Variants in SLC13A2 observed in about 807,000 individuals in gnomAD.
SLC13A2 encodes Na(+)-coupled citrate transporter.
In SLC13A2, 40 loss-of-function variants were observed where a neutral mutation model predicts 58.5. The observed-to-expected ratio is 0.68, with a 90% confidence interval of 0.53 to 0.89. The LOEUF (loss-of-function observed/expected upper bound fraction) is 0.89, where lower values mean the gene tolerates loss of function less well. Among genes scored for constraint, SLC13A2 ranks in the 40% least tolerant of loss-of-function variants. The pLI is 0.00. For synonymous variants in SLC13A2, 341 were observed against 331.6 expected (o/e 1.03, Z -0.31); for missense variants, 694 against 772.6 (o/e 0.90, Z 1.21).
chr17:28,487,078 G>A (rs572210928), intron 1 of SLC13A2, among the ~76,000 whole-genome samples: 6 of 152,312 alleles, frequency 3.9e-5, no homozygotes, highest in South Asian at 2.1e-4. Flanking sequence ...GATTACAGGC[G>A]TGAGCCGCCA....
intron 1 of SLC13A2, among the ~76,000 whole-genome samples, chr17:28,474,995 T>C (rs1313266827): frequency 6.6e-6 from 1 of 152,126 alleles, no homozygotes; most frequent in Non-Finnish European, 1.5e-5. Context: ...TGACACCTGG[T>C]CAGTAACAAG....
At position 28,496,961 on chromosome 17, in the gene SLC13A2, T is replaced by A; in HGVS notation, c.1609-138T>A. 1 of 841,258 alleles carries A rather than the reference T, an allele frequency of 1.2e-6. No homozygotes were observed. Among genetic ancestry groups the A allele is most frequent in the Non-Finnish European group, 1.9e-6 (1 of 527,246 alleles). The allele number at this position is 841,258 out of a possible 1,614,324, so 52.1% of individuals were successfully genotyped here. A position where few individuals can be genotyped will look rare whatever the true frequency, so the allele number is the denominator to read the frequency against. ...CAAGGGGCAAAGGCATTGGCTATGC[T>A]GCAGGTTAGACCAACGGGAGGACTT... On this transcript the variant is annotated intron_variant, in intron 11 of 11. Coordinates refer to ENST00000314669, the MANE Select transcript of SLC13A2 (RefSeq NM_003984.4). This position sits in a 1 kb window ranked among gnomAD's most constrained non-coding sequence, Gnocchi z 4.2.
At chr17:28,477,398 G>T (rs925511993) in intron 1 of SLC13A2, among the ~76,000 whole-genome samples, 4 of 151,664 alleles carry the variant, frequency 2.6e-5, no homozygotes, top group Non-Finnish European at 5.9e-5. Context: ...GTTTCACCGT[G>T]TTAGCCAGGA....
chr17:28,496,574 A>G lies in SLC13A2; in HGVS notation c.1595A>G (p.Lys532Arg). 1 of 1,613,034 alleles carries G rather than the reference A, an allele frequency of 6.2e-7. No homozygotes were observed. The highest frequency in any genetic ancestry group is 8.5e-7 in the Non-Finnish European group (1 of 1,179,472). ...NAIVFSFGDLKVLDMARAGFL... is the reference protein window; with the variant it reads ...NAIVFSFGDLRVLDMARAGFL... ...ATCGTCTTCTCTTTCGGGGACCTCA[A>G]AGTGTTGGATATGGTAAGTGGCAGG... The change falls in exon 11 of 12, where the codon AAA becomes AGA. Residue 532 changes from lysine (K) to arginine (R), a missense_variant. Physicochemically the swap from Lys to Arg is conservative, Grantham distance 26. Coordinates refer to ENST00000314669, the MANE Select transcript of SLC13A2 (RefSeq NM_003984.4). This position sits in a 1 kb window ranked among gnomAD's most constrained non-coding sequence, Gnocchi z 4.2.
Position 28,494,027 on chromosome 17 carries a change from G to T in SLC13A2, c.1108G>T (p.Asp370Tyr). 6.2e-7 allele frequency: 1 copy of T among 1,609,276 alleles called. No homozygotes were observed. The highest frequency in any genetic ancestry group is 8.5e-7 in the Non-Finnish European group (1 of 1,176,916). The change falls in exon 8 of 12, where the codon GAT becomes TAT. Residue 370 changes from aspartate (D) to tyrosine (Y), a missense_variant. Coordinates refer to ENST00000314669, the MANE Select transcript of SLC13A2 (RefSeq NM_003984.4). The surrounding 1 kb of genome is among the most constrained non-coding windows in gnomAD (Gnocchi z 4.0). ...CCCCTCCACCAACAGCATGGTGTCC[G>T]ATGGGACAGTGGCCATCTTCATCGG... ...PNAKGESMVS[D>Y]GTVAIFIGII...
chr17:28,491,648 G>T, intron 5 of SLC13A2, 31 bp downstream of exon 5: 1 of 1,609,306 alleles, frequency 6.2e-7, no homozygotes. Context: ...CACCTTGGGG[G>T]ATCTGCACAT....
At chr17:28,495,213 T>A (rs961242922) in intron 9 of SLC13A2, among the ~76,000 whole-genome samples, 5 of 152,164 alleles carry the variant, frequency 3.3e-5, no homozygotes, top group African/African-American at 1.2e-4. Context: ...TGTCCTCCCA[T>A]TAGCCTCTTG....
chr17:28,495,541 G>A, intron 9 of SLC13A2, 114 bp from the exon 10 acceptor site: 2 of 1,077,338 alleles, frequency 1.9e-6, no homozygotes, highest in Non-Finnish European at 1.4e-6. Flanking sequence ...AGCTGTCTTT[G>A]ACTCTGAATA....
At chr17:28,485,608 C>T (rs1414098642) in intron 1 of SLC13A2, among the ~76,000 whole-genome samples, 3 of 152,170 alleles carry the variant, frequency 2.0e-5, no homozygotes, top group Non-Finnish European at 1.5e-5. Flanking sequence ...AGTCTCAAAC[C>T]CAAACCCTCT....
chr17:28,497,613 C>A lies in SLC13A2; in HGVS notation c.*344C>A, dbSNP rs782650057. On this transcript the variant is annotated 3_prime_UTR_variant, in exon 12 of 12. Coordinates refer to ENST00000314669, the MANE Select transcript of SLC13A2 (RefSeq NM_003984.4). ...GTGTGTTCACAGACAATACAACATG[C>A]CCTCTCTGGTGCCCCAGGTCTTGGT... 7.6e-5 allele frequency: 18 copies of A among 237,370 alleles called. No homozygotes were observed. The highest frequency in any genetic ancestry group is 1.3e-4 in the Non-Finnish European group (16 of 123,032). 14.7% of individuals were successfully genotyped at this position (237,370 alleles called of 1,614,324 possible). A position where few individuals can be genotyped will look rare whatever the true frequency, so the allele number is the denominator to read the frequency against.
At chr17:28,479,229 A>G (rs563127566) in intron 1 of SLC13A2, among the ~76,000 whole-genome samples, 3 of 152,158 alleles carry the variant, frequency 2.0e-5, no homozygotes, top group Admixed American at 6.5e-5. Flanking sequence ...TAAATTCTCT[A>G]TAGTCAGCCA....
intron 1 of SLC13A2, among the ~76,000 whole-genome samples, chr17:28,486,858 C>T (rs1056328292): frequency 1.3e-5 from 2 of 149,200 alleles, no homozygotes; most frequent in Non-Finnish European, 3.0e-5. Context: ...AGTGCAGTGG[C>T]GTGATCTCAG....
Position 28,489,223 on chromosome 17 carries a change from T to C in SLC13A2, c.112T>C (p.Cys38Arg). The C allele has an allele frequency of 1.2e-6, 2 of 1,613,688 alleles. No individual in the cohort carries two copies. The highest frequency in any genetic ancestry group is 1.1e-5 in the South Asian group (1 of 91,074). Residue 38 changes from cysteine (C) to arginine (R), a missense_variant, in exon 2 of 12, where the codon TGC becomes CGC. Coordinates refer to ENST00000314669, the MANE Select transcript of SLC13A2 (RefSeq NM_003984.4). ...PILVPSKEAY[C>R]AYAIILMALF... Reference sequence around the variant, plus strand: ...TCTCTCCCACCTGCAGGAGGCCTACTGCGCGTATGCCATCATCCTCATGGC... The same window carrying C: ...TCTCTCCCACCTGCAGGAGGCCTACCGCGCGTATGCCATCATCCTCATGGC...
intron 1 of SLC13A2, among the ~76,000 whole-genome samples, chr17:28,481,340 GGT>G (rs1555601088): frequency 6.6e-6 from 1 of 152,202 alleles, no homozygotes; most frequent in Non-Finnish European, 1.5e-5. Context: ...TTCACATCAA[GGT>G]GTGCAAATCA....
Position 28,473,737 on chromosome 17 carries a change from TGG to T in SLC13A2, c.27_28del (p.Trp9CysfsTer25). 1 of 1,614,074 alleles carries T rather than the reference TGG, an allele frequency of 6.2e-7. No homozygotes were observed. Among genetic ancestry groups the T allele is most frequent in the East Asian group, 2.2e-5 (1 of 44,874 alleles). ...CATGGCCACCTGCTGGCAGGCCCTG[TGG>T]GCCTATCGCTCCTACCTGATCGTGT... is the stretch of plus-strand genomic sequence containing the variant. MATCWQALWAYRSYLIVFF... is the reference protein window; with the variant it reads MATCWQALXAYRSYLIVFF... On this transcript the variant is annotated frameshift_variant, in exon 1 of 12. Transcript: ENST00000314669. LOFTEE classifies it high-confidence loss of function.
intron 1 of SLC13A2, among the ~76,000 whole-genome samples, chr17:28,484,666 G>A (rs2068844775): frequency 6.6e-6 from 1 of 152,138 alleles, no homozygotes; most frequent in African/African-American, 2.4e-5. Flanking sequence ...AGGATTTCAG[G>A]GTCAAGAGAG....
chr17:28,473,697 C>T lies in SLC13A2; in HGVS notation c.-16C>T. ...CCTGGAGGCAGTGGCTGTAGCAGCC[C>T]TTGCTGCTCCACACCATGGCCACCT... On this transcript the variant is annotated 5_prime_UTR_variant, in exon 1 of 12. Transcript: ENST00000314669. The T allele has an allele frequency of 6.3e-7, 1 of 1,599,686 alleles. No homozygotes were observed. Among genetic ancestry groups the T allele is most frequent in the Non-Finnish European group, 8.6e-7 (1 of 1,167,738 alleles).
At chr17:28,477,479 C>T (rs1029944273) in intron 1 of SLC13A2, among the ~76,000 whole-genome samples, 51 of 151,626 alleles carry the variant, frequency 3.4e-4, no homozygotes, top group Admixed American at 1.9e-3. Context: ...CAGGCGTGAG[C>T]CACCATGCCC....
intron 4 of SLC13A2, 44 bp downstream of exon 4, chr17:28,490,950 T>C (rs537100433): frequency 2.6e-6 from 4 of 1,539,986 alleles, no homozygotes; most frequent in East Asian, 2.4e-5. Context: ...CCTTGGTTCT[T>C]GGAGAGAGTC....
Sources: gnomAD v4.1 joint callset for allele counts (sites outside exome capture counted in the v4.1 genomes callset) on GRCh38, gnomAD v4.1.1 for gene constraint, Gnocchi (gnomAD v3.1) non-coding constraint, MANE v1.5 for transcripts, NCBI Gene and HGNC (gene_info 2026-07-23, HGNC 2026-07-21) for gene names.